The following GALNT9 variants were observed in gnomAD, a reference collection of about 807,000 sequenced individuals.
GALNT9 encodes the protein polypeptide N-acetylgalactosaminyltransferase 9.
GALNT9 carries 47 observed loss-of-function variants against 63.1 expected under a neutral mutation model. The ratio of observed to expected loss-of-function variants is 0.75; its 90% confidence interval spans 0.59 to 0.95. The LOEUF is 0.95. Ranked by LOEUF, GALNT9 falls within the 40% of genes least tolerant of loss-of-function variation. The pLI, the probability that GALNT9 is intolerant of heterozygous loss-of-function variation, is 0.00. For synonymous variants in GALNT9, 396 were observed against 365.7 expected (o/e 1.08, Z -0.94); for missense variants, 829 against 874.8 (o/e 0.95, Z 0.66).
intron 6 of GALNT9, among the ~76,000 whole-genome samples, chr12:132,204,215 C>G (rs144505095): frequency 5.3e-4 from 81 of 152,348 alleles, no homozygotes; most frequent in Non-Finnish European, 3.4e-4. Context: ...AACCCCCACG[C>G]GCAGCAGAAA....
chr12:132,215,656 G>A (rs904967733), intron 6 of GALNT9, among the ~76,000 whole-genome samples: 1 of 152,248 alleles, frequency 6.6e-6, no homozygotes, highest in Non-Finnish European at 1.5e-5. Flanking sequence ...TGTATCATCA[G>A]GACACACATG....
rs118070778 is a variant in GALNT9, at chr12:132,288,741, T to C, written c.239-2311A>G. Among the ~76,000 whole-genome samples, 399 of 149,152 alleles carry C rather than the reference T, an allele frequency of 2.7e-3. 9 individuals carry two copies. In the East Asian group the frequency reaches 0.07, roughly 26 times the overall value. The stretch of plus-strand genomic sequence containing the variant: ...CTGGACGGCTGCCCGATGCCCAGCA[T>C]TGGGGGCAGGAGGGTGGCTGAGCGT... On this transcript the variant is annotated intron_variant, in intron 1 of 10. Coordinates refer to ENST00000328957, the MANE Select transcript of GALNT9 (RefSeq NM_001122636.2).
rs61745414 is a variant in GALNT9 at position 132,199,213 on chromosome 12, G to A, written c.1458C>T (p.Asp486=). 20,826 of 1,603,998 alleles carry A rather than the reference G, an allele frequency of 0.013. 861 individuals are homozygous for A. The highest frequency in any genetic ancestry group is 0.1 in the African/African-American group (7,627 of 74,836). ...YCLDQGAEDG[D]RAILYPCHGM... ...CGTGGCAGGGGTAGAGGATCGCCCGGTCGCCGTCCTCCGCTCCCTGGTCCA... is the reference window on the plus strand; with the variant it reads ...CGTGGCAGGGGTAGAGGATCGCCCGATCGCCGTCCTCCGCTCCCTGGTCCA... The change falls in exon 9 of 11, where the codon GAC becomes GAT. Residue 486 remains aspartate, a synonymous_variant. Coordinates refer to ENST00000328957, the MANE Select transcript of GALNT9 (RefSeq NM_001122636.2).
intron 6 of GALNT9, 89 bp from the exon 7 acceptor site, chr12:132,203,779 C>T (rs1408145288): frequency 7.0e-7 from 1 of 1,428,716 alleles, no homozygotes; most frequent in African/African-American, 1.4e-5. Context: ...GCCAAGGGGC[C>T]CGGCCCTCTG....
At chr12:132,285,819 G>A (rs758488002) in intron 2 of GALNT9, among the ~76,000 whole-genome samples, 43 of 152,148 alleles carry the variant, frequency 2.8e-4, no homozygotes, top group Non-Finnish European at 5.9e-4. Flanking sequence ...GTAGGGGAGG[G>A]GGAGAGACAC....
chr12:132,260,497 G>T (rs1879335241), intron 4 of GALNT9, among the ~76,000 whole-genome samples: 1 of 152,214 alleles, frequency 6.6e-6, no homozygotes, highest in Admixed American at 6.5e-5. Context: ...GGGGGCACTC[G>T]TGGCCATCTC....
intron 4 of GALNT9, among the ~76,000 whole-genome samples, chr12:132,258,530 G>A (rs1326847733): frequency 1.3e-5 from 2 of 152,194 alleles, no homozygotes; most frequent in Admixed American, 1.3e-4. Context: ...TGTAGAGGGG[G>A]CTCACAGTTT....
intron 6 of GALNT9, among the ~76,000 whole-genome samples, chr12:132,207,714 G>A (rs910641430): frequency 3.9e-5 from 6 of 152,316 alleles, no homozygotes; most frequent in South Asian, 2.1e-4. Flanking sequence ...TTCAGTCTCC[G>A]GGCTTGGGCC....
rs1227272408 is a variant in GALNT9 at position 132,246,516 on chromosome 12, G to A, written c.1077+1394C>T. 2.0e-5 allele frequency among the ~76,000 whole-genome samples: 3 copies of A among 152,028 alleles called. No individual in the cohort carries two copies. Among genetic ancestry groups the A allele is most frequent in the African/African-American group, 4.8e-5 (2 of 41,382 alleles). The stretch of plus-strand genomic sequence containing the variant: ...ACAAAAGCAGTGAATTCTGTTTCAC[G>A]GTATTATTTTATTTTATTTTATCAT... On this transcript the variant is annotated intron_variant, in intron 6 of 10. Coordinates refer to ENST00000328957, the MANE Select transcript of GALNT9 (RefSeq NM_001122636.2). This position sits in a 1 kb window ranked among gnomAD's most constrained non-coding sequence, Gnocchi z 4.7.
In GALNT9 at chr12:132,236,281, G is replaced by T. The variant is rs1232055020; in HGVS notation, c.1077+11629C>A. On this transcript the variant is annotated intron_variant, in intron 6 of 10. Transcript: ENST00000328957. This position sits in a 1 kb window ranked among gnomAD's most constrained non-coding sequence, Gnocchi z 5.6. ...ACAGGCGGCTGGCGGGGAGCGGGTG[G>T]GGGCCATGGCCCTGGAGTGGGGGTC... Among the ~76,000 whole-genome samples the T allele has an allele frequency of 6.6e-6, 1 of 152,018 alleles. No individual in the cohort carries two copies. Among genetic ancestry groups the T allele is most frequent in the Non-Finnish European group, 1.5e-5 (1 of 67,992 alleles).
At chr12:132,262,750 C>T in intron 2 of GALNT9, 125 bp from the exon 3 acceptor site, 1 of 1,412,870 alleles carries the variant, frequency 7.1e-7, no homozygotes, top group Non-Finnish European at 9.3e-7. Flanking sequence ...GCATGAGGGA[C>T]CCCAGGAGCC....
Position 132,319,765 on chromosome 12 carries a change from C to T in GALNT9, c.238+9201G>A, listed in dbSNP as rs1251626126. Among the ~76,000 whole-genome samples, 1 of 152,196 alleles carries T rather than the reference C, an allele frequency of 6.6e-6. No homozygotes were observed. The highest frequency in any genetic ancestry group is 1.9e-4 in the East Asian group (1 of 5,196). ...CTCAGGTCGCCTCGGGTGCTCCTCC[C>T]GCAGCCCCACGTAGACAGAAGACAT... is the stretch of plus-strand genomic sequence containing the variant. On this transcript the variant is annotated intron_variant, in intron 1 of 10. Coordinates refer to ENST00000328957, the MANE Select transcript of GALNT9 (RefSeq NM_001122636.2). The surrounding 1 kb of genome is among the most constrained non-coding windows in gnomAD (Gnocchi z 5.2).
chr12:132,244,153 C>T (rs2136906285), intron 6 of GALNT9, among the ~76,000 whole-genome samples: 2 of 129,210 alleles, frequency 1.5e-5, no homozygotes, highest in Non-Finnish European at 3.5e-5. Context: ...CCAAGACAGC[C>T]TGCGGTGCCT....
intron 6 of GALNT9, among the ~76,000 whole-genome samples, chr12:132,214,865 G>A (rs1018903509): frequency 3.3e-5 from 5 of 152,224 alleles, no homozygotes; most frequent in Non-Finnish European, 5.9e-5. Context: ...TCTGTGGCAC[G>A]CCATTCCTGC....
At chr12:132,227,931 A>G (rs1400894035) in intron 6 of GALNT9, among the ~76,000 whole-genome samples, 3 of 152,076 alleles carry the variant, frequency 2.0e-5, no homozygotes, top group African/African-American at 7.2e-5. Flanking sequence ...CGGTTTCCCC[A>G]TCTGTCTCCT....
chr12:132,294,251 A>G (rs988680614), intron 1 of GALNT9, among the ~76,000 whole-genome samples: 37 of 152,170 alleles, frequency 2.4e-4, no homozygotes, highest in African/African-American at 8.9e-4. Context: ...GACTCTGACC[A>G]GAGTCAGCAG....
rs1313193318 is a variant in GALNT9, at chr12:132,310,848, C to T, written c.238+18118G>A. Among the ~76,000 whole-genome samples the T allele has an allele frequency of 6.6e-6, 1 of 152,208 alleles. No homozygotes were observed. Among genetic ancestry groups the T allele is most frequent in the Non-Finnish European group, 1.5e-5 (1 of 68,042 alleles). On this transcript the variant is annotated intron_variant, in intron 1 of 10. Transcript: ENST00000328957. This position sits in a 1 kb window ranked among gnomAD's most constrained non-coding sequence, Gnocchi z 4.8. ...TGGCCTGAGGGAGGTGATCCCCAAA[C>T]AGCCCAAACCCGGCTGTCCTGTTTT...
intron 6 of GALNT9, among the ~76,000 whole-genome samples, chr12:132,208,456 G>A (rs778322554): frequency 2.7e-4 from 41 of 152,344 alleles, no homozygotes; most frequent in African/African-American, 6.5e-4. Context: ...CTAGGCCTTC[G>A]TCACGTGATT....
intron 1 of GALNT9, among the ~76,000 whole-genome samples, chr12:132,321,834 C>T (rs2135592017): frequency 6.6e-6 from 1 of 152,286 alleles, no homozygotes; most frequent in South Asian, 2.1e-4. Flanking sequence ...TGTCCCCTCA[C>T]ACACCTGTCC....
Sources: allele counts gnomAD v4.1 joint callset (sites outside exome capture counted in the v4.1 genomes callset), GRCh38; gene constraint gnomAD v4.1.1; non-coding constraint Gnocchi (gnomAD v3.1); transcripts MANE v1.5; gene names NCBI Gene and HGNC (gene_info 2026-07-23, HGNC 2026-07-21).